Variants in SYN3 observed in about 807,000 individuals in gnomAD.
SYN3 encodes synapsin III.
A neutral mutation model predicts 65.8 loss-of-function variants in SYN3; 35 were observed. The ratio of observed to expected loss-of-function variants is 0.53; its 90% CI spans 0.41 to 0.70. SYN3 has a LOEUF of 0.70. Ranked by LOEUF, SYN3 falls within the 30% of genes least tolerant of loss-of-function variation. The pLI, the probability that SYN3 is intolerant of heterozygous loss-of-function variation, is 0.00. For missense variants in SYN3, 680 were observed against 749.0 expected, an observed-to-expected ratio of 0.91 and a Z score of 1.08; for synonymous variants, 270 against 292.9, an observed-to-expected ratio of 0.92 and a Z score of 0.80.
chr22:32,774,843 G>A (rs7289631), intron 6 of SYN3, among the ~76,000 whole-genome samples: 107,465 of 152,092 alleles, frequency 0.71, 38,523 homozygotes, highest in African/African-American at 0.83. Context: ...CACCCGCCTC[G>A]GCCTCCCAGC....
chr22:33,007,186 C>T (rs767924891), intron 1 of SYN3, among the ~76,000 whole-genome samples: 16 of 152,084 alleles, frequency 1.1e-4, no homozygotes, highest in African/African-American at 3.4e-4. Context: ...TTTAAAGGTG[C>T]CCTGAAGAAC....
At chr22:32,872,680 A>G (rs1472871315) in intron 4 of SYN3, among the ~76,000 whole-genome samples, 1 of 152,200 alleles carries the variant, frequency 6.6e-6, no homozygotes, top group Non-Finnish European at 1.5e-5. Context: ...TAGAGAAATT[A>G]CTGACTTAAG....
At chr22:32,762,914 G>T (rs1201742649) in intron 6 of SYN3, among the ~76,000 whole-genome samples, 1 of 151,338 alleles carries the variant, frequency 6.6e-6, no homozygotes, top group Non-Finnish European at 1.5e-5. Flanking sequence ...TCAAATAGGA[G>T]ATACTTTCAT....
chr22:32,590,091 C>G (rs1474945355), intron 7 of SYN3, among the ~76,000 whole-genome samples: 1 of 152,130 alleles, frequency 6.6e-6, no homozygotes, highest in Non-Finnish European at 1.5e-5. Context: ...ACATAACCAC[C>G]CCCTAAATCA....
chr22:32,647,014 T>C (rs2059993137), intron 6 of SYN3, among the ~76,000 whole-genome samples: 1 of 152,186 alleles, frequency 6.6e-6, no homozygotes, highest in Non-Finnish European at 1.5e-5. Context: ...AGTGAAACTC[T>C]CTTGAACTTG....
intron 6 of SYN3, among the ~76,000 whole-genome samples, chr22:32,749,498 G>A (rs781295837): frequency 8.6e-5 from 13 of 151,922 alleles, no homozygotes; most frequent in South Asian, 4.2e-4. Flanking sequence ...AAAATTAGCC[G>A]GGCACGATGA....
rs111316169 is a variant in SYN3 at position 33,028,959 on chromosome 22, A to G, written c.-162-22135T>C. ...GGAGGCTGAGGCAGGAGAATGGTGT[A>G]AACCCGGGAGGCAGAGCTTGCAGTG... On this transcript the variant is annotated intron_variant, in intron 1 of 13. Coordinates refer to ENST00000358763, the MANE Select transcript of SYN3 (RefSeq NM_003490.4). Among the ~76,000 whole-genome samples the G allele has an allele frequency of 6.4e-3, 967 of 151,864 alleles. 12 individuals carry two copies. The highest frequency in any genetic ancestry group is 0.021 in the African/African-American group (863 of 41,420).
intron 6 of SYN3, among the ~76,000 whole-genome samples, chr22:32,808,406 C>T (rs1213116501): frequency 6.6e-6 from 1 of 152,008 alleles, no homozygotes; most frequent in Non-Finnish European, 1.5e-5. Flanking sequence ...GATGGACTGC[C>T]GAGAGGGAGG....
chr22:33,009,353 T>C (rs1351906672), intron 1 of SYN3, among the ~76,000 whole-genome samples: 1 of 152,202 alleles, frequency 6.6e-6, no homozygotes, highest in African/African-American at 2.4e-5. Flanking sequence ...TAAATTTATT[T>C]TGTCTGATAT....
chr22:32,595,928 T>G (rs558898450), intron 7 of SYN3, among the ~76,000 whole-genome samples: 1 of 152,058 alleles, frequency 6.6e-6, no homozygotes, highest in Non-Finnish European at 1.5e-5. Context: ...AATACAAAAA[T>G]TAGCCAGGTA....
chr22:32,663,940 A>C (rs1030644621), intron 6 of SYN3, among the ~76,000 whole-genome samples: 3 of 88,132 alleles, frequency 3.4e-5, no homozygotes, highest in Non-Finnish European at 5.8e-5. Flanking sequence ...TTCCCCCCCC[A>C]CACTGCACAT....
intron 1 of SYN3, among the ~76,000 whole-genome samples, chr22:33,044,209 C>T (rs1384596804): frequency 6.6e-6 from 1 of 152,186 alleles, no homozygotes; most frequent in East Asian, 1.9e-4. Flanking sequence ...TCAACGCAGG[C>T]CCAAAGCGGT....
intron 1 of SYN3, among the ~76,000 whole-genome samples, chr22:33,022,350 C>T (rs2053574757): frequency 1.3e-5 from 2 of 152,228 alleles, no homozygotes; most frequent in Admixed American, 6.5e-5. Flanking sequence ...TAGACTGTGT[C>T]ACTCCAGCTG....
chr22:32,664,281 T>A (rs893514468), intron 6 of SYN3, among the ~76,000 whole-genome samples: 1 of 152,130 alleles, frequency 6.6e-6, no homozygotes, highest in Non-Finnish European at 1.5e-5. Context: ...ATTGAAACCA[T>A]CCAATCAGTA....
At position 32,743,293 on chromosome 22, in the gene SYN3, A is replaced by C. The variant is rs187081299; in HGVS notation, c.711+121622T>G. Among the ~76,000 whole-genome samples the C allele has an allele frequency of 1.3e-4, 20 of 152,308 alleles. 1 individual carries two copies. In the East Asian group the frequency reaches 3.9e-3, roughly 29 times the overall value. On this transcript the variant is annotated intron_variant, in intron 6 of 13. Transcript: ENST00000358763. ...TCTGATGCCTAGTATCCCAGCTCCA[A>C]TTCTGAACATTCAATGTCTCACCAG...
intron 13 of SYN3, 92 bp from the exon 14 acceptor site, chr22:32,513,916 AC>A (rs2057727731): frequency 1.3e-6 from 2 of 1,520,108 alleles, no homozygotes; most frequent in East Asian, 2.3e-5. Context: ...CAGATGGGCT[AC>A]CCCAATCATC....
Position 32,811,019 on chromosome 22 carries a change from A to G in SYN3, c.711+53896T>C, listed in dbSNP as rs79578986. ...GTACCACGTGGTAACTTCATTGGCA[A>G]TTAAGTGAAATACTTCATGGAATGT... On this transcript the variant is annotated intron_variant, in intron 6 of 13. Transcript: ENST00000358763. 3.5e-3 allele frequency among the ~76,000 whole-genome samples: 538 copies of G among 152,296 alleles called. 4 individuals are homozygous for G. Among genetic ancestry groups the G allele is most frequent in the South Asian group, 5.2e-3 (25 of 4,824 alleles).
At chr22:32,601,855 C>T (rs1488483731) in intron 6 of SYN3, among the ~76,000 whole-genome samples, 1 of 152,002 alleles carries the variant, frequency 6.6e-6, no homozygotes, top group Non-Finnish European at 1.5e-5. Context: ...GGAATTCATT[C>T]TAAAGACAGT....
chr22:33,038,790 TAGAACTGAG>T (rs2053907594), intron 1 of SYN3, among the ~76,000 whole-genome samples: 1 of 152,056 alleles, frequency 6.6e-6, no homozygotes, highest in African/African-American at 2.4e-5. Flanking sequence ...AGAGTCAGAT[TAGAACTGAG>T]CAGCTCTCGC....
Sources: gnomAD v4.1 joint callset for allele counts (sites outside exome capture counted in the v4.1 genomes callset) on GRCh38, gnomAD v4.1.1 for gene constraint, MANE v1.5 for transcripts, NCBI Gene and HGNC (gene_info 2026-07-23, HGNC 2026-07-21) for gene names.